Variants in LRRC40 observed in about 807,000 individuals in gnomAD.
LRRC40 encodes the protein leucine rich repeat containing 40.
A neutral mutation model predicts 72.8 loss-of-function variants in LRRC40; 76 were observed. That is an observed-to-expected ratio of 1.04 (90% CI 0.87 to 1.26). LRRC40 has a LOEUF of 1.26. Ranked by LOEUF, LRRC40 falls within the 50% of genes most tolerant of loss-of-function variation. LRRC40 has a pLI of 0.00. For missense variants in LRRC40, 684 were observed against 698.9 expected (o/e 0.98, Z 0.24); for synonymous variants, 243 against 254.2 (o/e 0.96, Z 0.42).
intron 1 of LRRC40, among the ~76,000 whole-genome samples, chr1:70,193,301 T>C (rs992383530): frequency 3.9e-5 from 6 of 151,904 alleles, no homozygotes; most frequent in African/African-American, 1.4e-4. Context: ...AAAGTGAGAA[T>C]GTCATAGATC....
intron 12 of LRRC40, chr1:70,151,654 A>G (rs1667494423): frequency 1.3e-5 from 2 of 152,528 alleles, no homozygotes; most frequent in Admixed American, 1.3e-4. Context: ...CTATTAAGAG[A>G]TTTGGAGTTT....
chr1:70,173,749 A>G (rs772867126), intron 7 of LRRC40, 40 bp from the exon 8 acceptor site: 37 of 959,048 alleles, frequency 3.9e-5, no homozygotes, highest in Non-Finnish European at 5.4e-5. Flanking sequence ...AGCATCAAAT[A>G]TAAGTATACT....
intron 9 of LRRC40, among the ~76,000 whole-genome samples, chr1:70,166,435 G>A (rs1466868697): frequency 1.3e-5 from 2 of 152,022 alleles, no homozygotes; most frequent in African/African-American, 2.4e-5. Flanking sequence ...TGAGGCAGGA[G>A]GATCATTTGA....
intron 9 of LRRC40, among the ~76,000 whole-genome samples, chr1:70,169,828 C>A (rs981140771): frequency 4.6e-5 from 7 of 152,122 alleles, no homozygotes; most frequent in Non-Finnish European, 1.0e-4. Context: ...AATGGCTTCA[C>A]TGCTGAATTC....
chr1:70,145,921 A>C lies in LRRC40; in HGVS notation c.1704-16T>G. ...TAGTAATGTTCTAAACAAAAGAGAG[A>C]AATTGAGAATGTAAACATTTTCCAT... is the stretch of plus-strand genomic sequence containing the variant. On this transcript the variant is annotated splice_polypyrimidine_tract_variant and intron_variant, in intron 14 of 14. Transcript: ENST00000370952. 3 of 1,278,936 alleles carry C rather than the reference A, an allele frequency of 2.3e-6. No individual in the cohort carries two copies. Among genetic ancestry groups the C allele is most frequent in the Non-Finnish European group, 3.4e-6 (3 of 894,372 alleles). The allele number at this position is 1,278,936 out of a possible 1,614,324, so 79.2% of individuals were successfully genotyped here. A position where few individuals can be genotyped will look rare whatever the true frequency, so the allele number is the denominator to read the frequency against.
rs1191101624 is a variant in LRRC40, at chr1:70,158,630, C to T, written c.1220+700G>A. Among the ~76,000 whole-genome samples the T allele has an allele frequency of 2.0e-5, 3 of 152,202 alleles. No homozygotes were observed. In the East Asian group the frequency reaches 5.8e-4, roughly 29 times the overall value. On this transcript the variant is annotated intron_variant, in intron 10 of 14. Transcript: ENST00000370952. ...GGCTTTGTCTCAATTTATATACTAA[C>T]ATTGTAATTTTTTCAGTTTTGGAAT...
chr1:70,146,426 G>T (rs1667295975), intron 14 of LRRC40, among the ~76,000 whole-genome samples: 2 of 152,132 alleles, frequency 1.3e-5, no homozygotes, highest in Admixed American at 1.3e-4. Context: ...AAGGTACTGA[G>T]CCAAGTAATT....
At chr1:70,160,663 T>C (rs1667736729) in intron 9 of LRRC40, among the ~76,000 whole-genome samples, 1 of 152,006 alleles carries the variant, frequency 6.6e-6, no homozygotes, top group South Asian at 2.1e-4. Context: ...TATAATGAGG[T>C]AGGGTATTCT....
intron 1 of LRRC40, among the ~76,000 whole-genome samples, chr1:70,192,111 T>C (rs922648760): frequency 6.6e-6 from 1 of 152,170 alleles, no homozygotes; most frequent in South Asian, 2.1e-4. Context: ...GCATAGGCTG[T>C]TTTTCCATTT....
chr1:70,149,241 C>G (rs1667400644), intron 13 of LRRC40, among the ~76,000 whole-genome samples: 2 of 152,134 alleles, frequency 1.3e-5, no homozygotes, highest in Admixed American at 1.3e-4. Context: ...TGGCTGAGGA[C>G]CCCGCAGGGC....
At chr1:70,151,409 C>A (rs938130913) in intron 12 of LRRC40, among the ~76,000 whole-genome samples, 1 of 152,068 alleles carries the variant, frequency 6.6e-6, no homozygotes, top group Non-Finnish European at 1.5e-5. Flanking sequence ...CCTAATAATA[C>A]CAATATGCAA....
At chr1:70,187,753 C>T (rs188732025) in intron 2 of LRRC40, among the ~76,000 whole-genome samples, 1 of 151,996 alleles carries the variant, frequency 6.6e-6, no homozygotes, top group Non-Finnish European at 1.5e-5. Flanking sequence ...ATTGCTTGAG[C>T]CTAGGAGGTC....
At chr1:70,183,200 A>T (rs1668283102) in intron 4 of LRRC40, among the ~76,000 whole-genome samples, 1 of 152,230 alleles carries the variant, frequency 6.6e-6, no homozygotes, top group South Asian at 2.1e-4. Context: ...CAGCAAAAAT[A>T]GAAAAGGAGT....
intron 2 of LRRC40, among the ~76,000 whole-genome samples, chr1:70,187,916 A>C (rs1668404200): frequency 6.7e-6 from 1 of 149,068 alleles, no homozygotes; most frequent in South Asian, 2.2e-4. Context: ...TGTTAAGTCA[A>C]CCACTTTAAA....
At chr1:70,164,597 G>C in intron 9 of LRRC40, among the ~76,000 whole-genome samples, 1 of 152,112 alleles carries the variant, frequency 6.6e-6, no homozygotes, top group East Asian at 1.9e-4. Flanking sequence ...CCCTTGGCAG[G>C]CACAGTATCA....
intron 1 of LRRC40, among the ~76,000 whole-genome samples, chr1:70,201,198 G>T (rs1296589111): frequency 6.6e-6 from 1 of 152,016 alleles, no homozygotes; most frequent in Admixed American, 6.6e-5. Flanking sequence ...AATATATTTT[G>T]AATGTAAATC....
chr1:70,183,335 C>T (rs1426168653), intron 4 of LRRC40, among the ~76,000 whole-genome samples: 1 of 151,552 alleles, frequency 6.6e-6, no homozygotes, highest in African/African-American at 2.4e-5. Flanking sequence ...TTAGTACCTT[C>T]GATTTAATAC....
chr1:70,167,235 AAAAAAAAAAAAAG>A, intron 9 of LRRC40, among the ~76,000 whole-genome samples: 1 of 151,704 alleles, frequency 6.6e-6, no homozygotes, highest in South Asian at 2.1e-4. Context: ...AGTGTTAAAA[AAAAAAAAAAAAAG>A]AAAAAAGAAA....
chr1:70,192,151 G>C (rs1668515203), intron 1 of LRRC40, among the ~76,000 whole-genome samples: 1 of 151,998 alleles, frequency 6.6e-6, no homozygotes, highest in African/African-American at 2.4e-5. Context: ...TCTTTGAGCA[G>C]TGTTTTGTAA....
Sources: gnomAD v4.1 joint callset for allele counts (sites outside exome capture counted in the v4.1 genomes callset) on GRCh38, gnomAD v4.1.1 for gene constraint, MANE v1.5 for transcripts, NCBI Gene and HGNC (gene_info 2026-07-23, HGNC 2026-07-21) for gene names.